Variants in GULP1 observed in about 807,000 individuals in gnomAD.
GULP1 encodes the protein PTB domain-containing engulfment adapter protein 1.
A neutral mutation model predicts 40.9 loss-of-function variants in GULP1; 19 were observed. That is an observed-to-expected ratio of 0.46 (90% confidence interval 0.32 to 0.68). The LOEUF (loss-of-function observed/expected upper bound fraction) is 0.68. Among genes scored for constraint, GULP1 ranks in the 30% least tolerant of loss-of-function variants. GULP1 has a pLI of 0.03. For missense variants in GULP1, 312 were observed against 362.2 expected, an observed-to-expected ratio of 0.86 and a Z score of 1.12; for synonymous variants, 119 against 117.6, an observed-to-expected ratio of 1.01 and a Z score of -0.08.
chr2:188,309,926 T>A (rs969047426), intron 1 of GULP1, among the ~76,000 whole-genome samples: 11 of 152,232 alleles, frequency 7.2e-5, no homozygotes, highest in African/African-American at 2.7e-4. Flanking sequence ...AGAGTGGACT[T>A]ATAAGCTTAA....
chr2:188,348,169 G>T (rs966081515), intron 1 of GULP1, among the ~76,000 whole-genome samples: 2 of 152,152 alleles, frequency 1.3e-5, no homozygotes, highest in African/African-American at 4.8e-5. Flanking sequence ...AGACTTAATT[G>T]ATATAATAGG....
intron 2 of GULP1, among the ~76,000 whole-genome samples, chr2:188,473,950 C>G (rs2060802114): frequency 1.3e-5 from 2 of 152,142 alleles, no homozygotes; most frequent in Admixed American, 6.5e-5. Flanking sequence ...CTGAGTATTA[C>G]TGCTGGTTAT....
chr2:188,510,955 T>C (rs2064465616), intron 4 of GULP1, among the ~76,000 whole-genome samples: 2 of 152,156 alleles, frequency 1.3e-5, no homozygotes, highest in Non-Finnish European at 2.9e-5. Flanking sequence ...GTTGGTTCTT[T>C]TTATTTGCTT....
intron 1 of GULP1, among the ~76,000 whole-genome samples, chr2:188,340,430 C>T (rs985663284): frequency 3.9e-5 from 6 of 152,100 alleles, no homozygotes; most frequent in African/African-American, 1.4e-4. Flanking sequence ...GGGGGAGATG[C>T]AGATGAGTGG....
At chr2:188,405,343 A>C (rs993357586) in intron 2 of GULP1, among the ~76,000 whole-genome samples, 18 of 152,040 alleles carry the variant, frequency 1.2e-4, no homozygotes, top group African/African-American at 4.3e-4. Context: ...CAGGTCAGCT[A>C]TAGGCTCTAG....
intron 4 of GULP1, among the ~76,000 whole-genome samples, chr2:188,489,004 T>TA (rs1009795947): frequency 1.7e-4 from 25 of 151,130 alleles, no homozygotes; most frequent in Admixed American, 4.0e-4. Flanking sequence ...GGTCTTAATA[T>TA]AAAAAAAAAT....
intron 3 of GULP1, among the ~76,000 whole-genome samples, chr2:188,483,194 A>G (rs189547893): frequency 6.6e-6 from 1 of 152,048 alleles, no homozygotes; most frequent in Admixed American, 6.6e-5. Context: ...ATTTGGTATC[A>G]TTTTTATTAT....
chr2:188,357,566 T>A (rs1198395089), intron 1 of GULP1, among the ~76,000 whole-genome samples: 2 of 152,100 alleles, frequency 1.3e-5, no homozygotes, highest in Admixed American at 6.6e-5. Context: ...AGTGAGGATG[T>A]GAAGGAATGA....
At chr2:188,488,338 C>A (rs947010583) in intron 4 of GULP1, among the ~76,000 whole-genome samples, 1 of 151,980 alleles carries the variant, frequency 6.6e-6, no homozygotes, top group African/African-American at 2.4e-5. Context: ...AATTATGTAA[C>A]TTTTCTGTCC....
rs552671656 is a variant in GULP1, at chr2:188,500,823, C to A, written c.90+17331C>A. 4.6e-5 allele frequency among the ~76,000 whole-genome samples: 7 copies of A among 152,018 alleles called. No homozygotes were observed. In the East Asian group the frequency reaches 1.4e-3, roughly 30 times the overall value. ...GGGCCCCTGGTCTTTTCCAAATTCT[C>A]TTCCCTTAATTCGTATCTTCTAACC... is the stretch of plus-strand genomic sequence containing the variant. On this transcript the variant is annotated intron_variant, in intron 4 of 11. Coordinates refer to ENST00000409830, the MANE Select transcript of GULP1 (RefSeq NM_016315.4).
intron 2 of GULP1, among the ~76,000 whole-genome samples, chr2:188,405,018 A>G (rs930086736): frequency 1.3e-5 from 2 of 152,056 alleles, no homozygotes; most frequent in African/African-American, 4.8e-5. Flanking sequence ...AGACTCAGCC[A>G]GGGTCTGGGA....
chr2:188,503,114 A>C (rs1319980892), intron 4 of GULP1, among the ~76,000 whole-genome samples: 1 of 151,948 alleles, frequency 6.6e-6, no homozygotes, highest in African/African-American at 2.4e-5. Context: ...GAGGGAGTAC[A>C]GTATTTAAAC....
chr2:188,352,687 C>T (rs1170783687), intron 1 of GULP1, among the ~76,000 whole-genome samples: 3 of 147,870 alleles, frequency 2.0e-5, no homozygotes, highest in Admixed American at 1.4e-4. Context: ...AAATAACAGT[C>T]ATACAGCTTA....
chr2:188,377,271 T>C (rs1156947054), intron 1 of GULP1, among the ~76,000 whole-genome samples: 5 of 152,250 alleles, frequency 3.3e-5, no homozygotes, highest in Non-Finnish European at 5.9e-5. Flanking sequence ...TATGGAACTT[T>C]TAAACACACC....
chr2:188,372,429 A>C (rs1183461861), intron 1 of GULP1, among the ~76,000 whole-genome samples: 1 of 152,008 alleles, frequency 6.6e-6, no homozygotes, highest in African/African-American at 2.4e-5. Flanking sequence ...ATGCAAGTGC[A>C]CTCTGACATC....
At chr2:188,416,049 A>G (rs1303813024) in intron 2 of GULP1, among the ~76,000 whole-genome samples, 1 of 152,180 alleles carries the variant, frequency 6.6e-6, no homozygotes, top group Non-Finnish European at 1.5e-5. Context: ...ATCATCTAGA[A>G]TAAAGTGGGA....
intron 5 of GULP1, among the ~76,000 whole-genome samples, chr2:188,524,734 T>TA (rs34980657): frequency 1.7e-4 from 26 of 149,442 alleles, no homozygotes; most frequent in African/African-American, 5.4e-4. Context: ...GTGGCTCTAC[T>TA]AAAAAAAAAG....
intron 7 of GULP1, among the ~76,000 whole-genome samples, chr2:188,555,515 GCA>G (rs1452714590): frequency 6.6e-6 from 1 of 151,842 alleles, no homozygotes; most frequent in East Asian, 1.9e-4. Flanking sequence ...TTTTCTTTTA[GCA>G]CTTTGAATAT....
chr2:188,526,538 A>G (rs1219742613), intron 5 of GULP1, among the ~76,000 whole-genome samples: 1 of 152,168 alleles, frequency 6.6e-6, no homozygotes, highest in African/African-American at 2.4e-5. Flanking sequence ...GTCTGTAAGT[A>G]GGAAAAGGGA....
Sources: allele counts gnomAD v4.1 joint callset (sites outside exome capture counted in the v4.1 genomes callset), GRCh38; gene constraint gnomAD v4.1.1; transcripts MANE v1.5; gene names NCBI Gene and HGNC (gene_info 2026-07-23, HGNC 2026-07-21).